The following RANBP2 variants were observed in gnomAD, a reference collection of about 807,000 sequenced individuals.
RANBP2 encodes E3 SUMO-protein ligase RanBP2.
RANBP2 carries 57 observed loss-of-function variants against 303.6 expected under a neutral mutation model. The ratio of observed to expected loss-of-function variants is 0.19; its 90% CI spans 0.15 to 0.23. The LOEUF (loss-of-function observed/expected upper bound fraction) is 0.23, where lower values mean the gene tolerates loss of function less well. RANBP2 is among the 10% of genes least tolerant of loss of function. The pLI is 1.00. For missense variants in RANBP2, 3,138 were observed against 3,780.8 expected (o/e 0.83, Z 4.46); for synonymous variants, 1,167 against 1,301.5 (o/e 0.90, Z 2.23).
At chr2:109,229,465 A>T in the RANBP2 span, among the ~76,000 whole-genome samples, 81 of 152,282 alleles carry the variant, frequency 5.3e-4, no homozygotes, top group African/African-American at 1.9e-3. Context: ...TCTGGCTATG[A>T]CAGCTTCTCA....
intron 7 of RANBP2, among the ~76,000 whole-genome samples, chr2:108,743,711 C>T (rs924498715): frequency 4.0e-4 from 61 of 152,318 alleles, no homozygotes; most frequent in African/African-American, 1.4e-3. Context: ...ATGTGCAATA[C>T]ATTCTTTCTC....
At chr2:109,030,904 C>T in the RANBP2 span, among the ~76,000 whole-genome samples, 2 of 152,090 alleles carry the variant, frequency 1.3e-5, no homozygotes, top group East Asian at 1.9e-4. Context: ...TTAACATCTC[C>T]CAAGTCTTTA....
chr2:109,152,889 G>A, the RANBP2 span, among the ~76,000 whole-genome samples: 3 of 152,152 alleles, frequency 2.0e-5, no homozygotes, highest in Non-Finnish European at 4.4e-5. Context: ...CTTGCTCCTT[G>A]TTCTCGATGG....
chr2:109,240,837 G>C, the RANBP2 span, among the ~76,000 whole-genome samples: 1 of 151,494 alleles, frequency 6.6e-6, no homozygotes, highest in African/African-American at 2.4e-5. Context: ...CTGGACTCCT[G>C]ACACCCCCAC....
At chr2:109,641,813 AT>A in the RANBP2 span, among the ~76,000 whole-genome samples, 3 of 151,562 alleles carry the variant, frequency 2.0e-5, no homozygotes, top group African/African-American at 7.3e-5. Flanking sequence ...AATGTATTTT[AT>A]TTTATTTTGA....
chr2:108,937,606 G>A, the RANBP2 span, among the ~76,000 whole-genome samples: 1 of 125,498 alleles, frequency 8.0e-6, no homozygotes, highest in Non-Finnish European at 1.8e-5. Context: ...ATGAGTGTGT[G>A]TATATGTGTG....
chr2:108,743,245 G>T (rs1376494479), intron 7 of RANBP2, among the ~76,000 whole-genome samples: 1 of 152,120 alleles, frequency 6.6e-6, no homozygotes, highest in Non-Finnish European at 1.5e-5. Context: ...GATTGTAGGT[G>T]TGAGCTACTA....
At chr2:109,294,722 A>T in the RANBP2 span, among the ~76,000 whole-genome samples, 1 of 152,132 alleles carries the variant, frequency 6.6e-6, no homozygotes, top group African/African-American at 2.4e-5. Context: ...ACACAGCCCT[A>T]CAGGGGAAGC....
At chr2:109,266,419 C>G in the RANBP2 span, among the ~76,000 whole-genome samples, 1 of 152,042 alleles carries the variant, frequency 6.6e-6, no homozygotes, top group Non-Finnish European at 1.5e-5. Context: ...CAACAAGACT[C>G]GCAGGAACAA....
chr2:109,335,799 TC>T, the RANBP2 span, among the ~76,000 whole-genome samples: 2 of 152,132 alleles, frequency 1.3e-5, no homozygotes, highest in African/African-American at 4.8e-5. Context: ...TAAAACCACT[TC>T]CTACCTTACG....
the RANBP2 span, among the ~76,000 whole-genome samples, chr2:109,135,478 C>T: frequency 1.3e-5 from 2 of 152,180 alleles, no homozygotes; most frequent in African/African-American, 2.4e-5. Context: ...AATAGGATAA[C>T]GTATGTGCAG....
chr2:109,219,629 A>G, the RANBP2 span, among the ~76,000 whole-genome samples: 1 of 152,242 alleles, frequency 6.6e-6, no homozygotes, highest in Non-Finnish European at 1.5e-5. Context: ...TAAAGCTCAC[A>G]GTTCAGTTGT....
chr2:108,949,742 CTTA>C, the RANBP2 span, among the ~76,000 whole-genome samples: 2 of 152,158 alleles, frequency 1.3e-5, no homozygotes, highest in Admixed American at 6.5e-5. Context: ...CATGCATGTC[CTTA>C]TTTCTTCTCA....
At chr2:109,616,281 C>G in the RANBP2 span, 2 of 566,436 alleles carry the variant, frequency 3.5e-6, no homozygotes, top group Non-Finnish European at 5.3e-6. Context: ...TACCTCTTCT[C>G]TGCCCTCCAC....
the RANBP2 span, among the ~76,000 whole-genome samples, chr2:109,198,454 T>C: frequency 6.6e-6 from 1 of 152,096 alleles, no homozygotes; most frequent in African/African-American, 2.4e-5. Context: ...CCAGCACAGA[T>C]TGGAGGATGA....
At chr2:108,928,071 G>A in the RANBP2 span, among the ~76,000 whole-genome samples, 11 of 152,180 alleles carry the variant, frequency 7.2e-5, no homozygotes, top group African/African-American at 1.9e-4. Flanking sequence ...AGCTTCGAGC[G>A]GAAGGCTCAA....
At chr2:109,340,012 A>G in the RANBP2 span, among the ~76,000 whole-genome samples, 1 of 152,044 alleles carries the variant, frequency 6.6e-6, no homozygotes, top group Admixed American at 6.6e-5. Context: ...ACCTTGCTAC[A>G]TTTTTCTCAC....
the RANBP2 span, among the ~76,000 whole-genome samples, chr2:109,611,986 T>C: frequency 6.6e-6 from 1 of 152,264 alleles, no homozygotes; most frequent in East Asian, 1.9e-4. Context: ...TGGGCATCTA[T>C]CCCAAAGAAC....
the RANBP2 span, among the ~76,000 whole-genome samples, chr2:109,425,937 G>A: frequency 1.5e-4 from 23 of 151,772 alleles, no homozygotes; most frequent in African/African-American, 1.9e-4. Flanking sequence ...TCACTCTGTC[G>A]TCCAGGCTGG....
Sources: allele counts gnomAD v4.1 joint callset (sites outside exome capture counted in the v4.1 genomes callset), GRCh38; gene constraint gnomAD v4.1.1; transcripts MANE v1.5; gene names NCBI Gene and HGNC (gene_info 2026-07-23, HGNC 2026-07-21).